Variants in STK3 observed in about 807,000 individuals in gnomAD.
STK3 encodes serine/threonine kinase 3.
Under a neutral mutation model 58.0 loss-of-function variants are expected in STK3, and 41 were observed. That is an observed-to-expected ratio of 0.71 (90% CI 0.55 to 0.92). The LOEUF (loss-of-function observed/expected upper bound fraction) is 0.92. Among genes scored for constraint, STK3 ranks in the 40% least tolerant of loss-of-function variants. The probability of loss-of-function intolerance (pLI) is 0.00; values close to 1 mark genes in which losing one functional copy is unlikely to be tolerated. For synonymous variants in STK3, 170 were observed against 191.0 expected (o/e 0.89, Z 0.91); for missense variants, 479 against 602.7 (o/e 0.79, Z 2.15).
chr8:98,924,754 A>C (rs1160783111), intron 1 of STK3, among the ~76,000 whole-genome samples: 1 of 152,212 alleles, frequency 6.6e-6, no homozygotes, highest in African/African-American at 2.4e-5. Context: ...CAAACAATTA[A>C]AAGGAGGTAA....
At chr8:98,519,171 T>G (rs1011494812) in intron 10 of STK3, among the ~76,000 whole-genome samples, 1 of 152,160 alleles carries the variant, frequency 6.6e-6, no homozygotes, top group African/African-American at 2.4e-5. Flanking sequence ...GAACAAGCAG[T>G]TCTTTGACTA....
At chr8:98,635,721 C>T (rs1819566168) in intron 6 of STK3, among the ~76,000 whole-genome samples, 2 of 151,990 alleles carry the variant, frequency 1.3e-5, no homozygotes, top group South Asian at 4.1e-4. Context: ...TTATTTAAAA[C>T]ATCTGTACAT....
At chr8:98,780,856 G>C (rs774497444) in intron 1 of STK3, among the ~76,000 whole-genome samples, 15 of 152,142 alleles carry the variant, frequency 9.9e-5, no homozygotes, top group Non-Finnish European at 2.1e-4. Flanking sequence ...GAAAAAATAA[G>C]AGTCAAACAC....
chr8:98,830,185 G>A (rs770573940), upstream of STK3, among the ~76,000 whole-genome samples: 14 of 151,966 alleles, frequency 9.2e-5, no homozygotes, highest in African/African-American at 2.9e-4. Flanking sequence ...CCAAGATTGC[G>A]CCACTGCACC....
intron 6 of STK3, among the ~76,000 whole-genome samples, chr8:98,661,935 A>C (rs190196885): frequency 6.6e-6 from 1 of 152,262 alleles, no homozygotes; most frequent in East Asian, 1.9e-4. Context: ...GATTCTAGTC[A>C]CAATTACCAC....
chr8:98,724,433 G>A (rs1008683498), intron 4 of STK3, among the ~76,000 whole-genome samples: 3 of 152,202 alleles, frequency 2.0e-5, no homozygotes, highest in Non-Finnish European at 4.4e-5. Context: ...AATACATAAA[G>A]TGCATTACCA....
chr8:98,678,213 A>T (rs2130880163), intron 6 of STK3, among the ~76,000 whole-genome samples: 1 of 152,300 alleles, frequency 6.6e-6, no homozygotes, highest in East Asian at 1.9e-4. Flanking sequence ...AATGCAATTA[A>T]ATATCAGTTT....
chr8:98,529,754 T>C (rs1309396241), intron 9 of STK3, among the ~76,000 whole-genome samples: 1 of 152,164 alleles, frequency 6.6e-6, no homozygotes, highest in East Asian at 1.9e-4. Flanking sequence ...TTATGCTATG[T>C]GAAATAAGCT....
chr8:98,630,724 G>A (rs562449805), intron 6 of STK3, among the ~76,000 whole-genome samples: 1 of 146,850 alleles, frequency 6.8e-6, no homozygotes, highest in African/African-American at 2.6e-5. Flanking sequence ...GGAGGAGAAG[G>A]AGGAGAAGAA....
At chr8:98,936,172 C>G (rs988127374) in intron 1 of STK3, among the ~76,000 whole-genome samples, 2 of 152,172 alleles carry the variant, frequency 1.3e-5, no homozygotes, top group African/African-American at 4.8e-5. Context: ...CCTACCTCAG[C>G]CTCCCAAAGT....
intron 1 of STK3, among the ~76,000 whole-genome samples, chr8:98,784,425 A>T (rs1225356919): frequency 3.3e-5 from 5 of 152,206 alleles, no homozygotes; most frequent in Admixed American, 1.3e-4. Flanking sequence ...GATCCAGCTT[A>T]GCAACCTGGA....
intron 1 of STK3, among the ~76,000 whole-genome samples, chr8:98,813,452 C>T (rs920158248): frequency 6.6e-6 from 1 of 152,246 alleles, no homozygotes; most frequent in Non-Finnish European, 1.5e-5. Context: ...CTGAAACCAC[C>T]TAAGAAAATA....
At chr8:98,364,213 G>A in the STK3 span, among the ~76,000 whole-genome samples, 1 of 152,130 alleles carries the variant, frequency 6.6e-6, no homozygotes, top group Non-Finnish European at 1.5e-5. Context: ...GTTAGGATCC[G>A]GCAGATGCTG....
At chr8:98,528,744 C>A (rs1057225926) in intron 9 of STK3, among the ~76,000 whole-genome samples, 1 of 152,078 alleles carries the variant, frequency 6.6e-6, no homozygotes, top group Non-Finnish European at 1.5e-5. Context: ...TACACCTCCC[C>A]ACAAGGGACC....
intron 1 of STK3, among the ~76,000 whole-genome samples, chr8:98,822,027 TAC>T (rs1834936018): frequency 6.6e-6 from 1 of 152,082 alleles, no homozygotes; most frequent in Admixed American, 6.6e-5. Context: ...TGTACATACA[TAC>T]ATATATATAT....
At chr8:98,736,797 T>A (rs1828631521) in intron 4 of STK3, among the ~76,000 whole-genome samples, 1 of 152,150 alleles carries the variant, frequency 6.6e-6, no homozygotes, top group African/African-American at 2.4e-5. Context: ...TCACATAATT[T>A]TGTTTCTTCT....
chr8:98,641,578 C>G (rs531012587), intron 6 of STK3, among the ~76,000 whole-genome samples: 1 of 152,092 alleles, frequency 6.6e-6, no homozygotes, highest in Non-Finnish European at 1.5e-5. Context: ...CTCATGTTGC[C>G]AATTTACCAA....
At chr8:98,940,134 C>G (rs372869178) in intron 1 of STK3, among the ~76,000 whole-genome samples, 2 of 152,070 alleles carry the variant, frequency 1.3e-5, no homozygotes, top group East Asian at 3.9e-4. Context: ...GCTCCTACCC[C>G]CTCGGCGTGC....
Position 98,526,854 on chromosome 8 carries a change from A to G in STK3, c.1205T>C (p.Phe402Ser). ...ACAGTTTTCGTGACTCTTATTCTTG[A>G]AGTCTTGCTTATCAAAGTAGTCCAT... ...SFMDYFDKQD[F>S]KNKSHENCNQ... Residue 402 changes from phenylalanine (F) to serine (S), a missense_variant, in exon 10 of 11, where the codon TTC becomes TCC. This residue lies in a region of STK3 where 309 missense variants were observed against 355.7 expected (regional missense o/e 0.87). Transcript: ENST00000419617. 1 of 1,598,524 alleles carries G rather than the reference A, an allele frequency of 6.3e-7. No homozygotes were observed.
Sources: allele counts gnomAD v4.1 joint callset (sites outside exome capture counted in the v4.1 genomes callset), GRCh38; gene constraint gnomAD v4.1.1; regional missense constraint gnomAD v4.1.1; transcripts MANE v1.5; gene names NCBI Gene and HGNC (gene_info 2026-07-23, HGNC 2026-07-21).